LGR5: variants seen among roughly 807,000 people sequenced by gnomAD.
LGR5 encodes the protein leucine rich repeat containing G protein-coupled receptor 5, also known as leucine-rich repeat-containing G protein-coupled receptor 5.
LGR5 carries 54 observed loss-of-function variants against 76.7 expected under a neutral mutation model. That is an observed-to-expected ratio of 0.70 (90% confidence interval 0.57 to 0.88). The LOEUF (loss-of-function observed/expected upper bound fraction) is 0.88, where lower values mean the gene tolerates loss of function less well. Among genes scored for constraint, LGR5 ranks in the 40% least tolerant of loss-of-function variants. The pLI is 0.00. For missense variants in LGR5, 1,078 were observed against 1,073.3 expected (o/e 1.00, Z -0.06); for synonymous variants, 406 against 421.9 (o/e 0.96, Z 0.46).
At chr12:71,468,597 T>C (rs1279049558) in intron 1 of LGR5, among the ~76,000 whole-genome samples, 1 of 152,054 alleles carries the variant, frequency 6.6e-6, no homozygotes, top group African/African-American at 2.4e-5. Flanking sequence ...GATTTACTGA[T>C]GGTTGACAAA....
At chr12:71,491,332 C>G (rs1297824994) in intron 1 of LGR5, among the ~76,000 whole-genome samples, 1 of 152,132 alleles carries the variant, frequency 6.6e-6, no homozygotes, top group African/African-American at 2.4e-5. Context: ...ATAGTATCCC[C>G]AAAGTCCAAG....
At chr12:71,514,441 G>A (rs1024420544) in intron 2 of LGR5, among the ~76,000 whole-genome samples, 5 of 151,898 alleles carry the variant, frequency 3.3e-5, no homozygotes, top group Admixed American at 2.6e-4. Flanking sequence ...GGTGGCGGGC[G>A]CCTGTAGTCC....
intron 7 of LGR5, among the ~76,000 whole-genome samples, chr12:71,560,517 C>T (rs1446332195): frequency 2.6e-5 from 4 of 152,130 alleles, no homozygotes; most frequent in Admixed American, 2.6e-4. Flanking sequence ...TGCAGGCCAG[C>T]TCAATGGGTC....
chr12:71,568,421 A>G (rs1447802521), intron 11 of LGR5, among the ~76,000 whole-genome samples: 1 of 152,218 alleles, frequency 6.6e-6, no homozygotes. Context: ...CATGTCAAAC[A>G]GTTACAGCAG....
chr12:71,494,111 T>A (rs186489553), intron 1 of LGR5, among the ~76,000 whole-genome samples: 7,474 of 150,646 alleles, frequency 0.05, 328 homozygotes, highest in Middle Eastern at 0.11. Flanking sequence ...GCCCGGCTAA[T>A]TTTTTATACT....
At chr12:71,511,540 G>C (rs900912147) in intron 2 of LGR5, among the ~76,000 whole-genome samples, 84 of 152,208 alleles carry the variant, frequency 5.5e-4, no homozygotes, top group African/African-American at 2.0e-3. Context: ...GTAAAACCAC[G>C]CATCTCTGGG....
intron 4 of LGR5, among the ~76,000 whole-genome samples, chr12:71,552,396 C>G (rs760761202): frequency 2.0e-4 from 30 of 152,082 alleles, no homozygotes; most frequent in African/African-American, 7.0e-4. Flanking sequence ...GAAACCCTGT[C>G]TCTACTAAAA....
intron 1 of LGR5, among the ~76,000 whole-genome samples, chr12:71,466,973 A>G (rs1872892280): frequency 6.6e-6 from 1 of 151,704 alleles, no homozygotes; most frequent in Non-Finnish European, 1.5e-5. Flanking sequence ...TGCTTGGAGG[A>G]TGAGGAAGGC....
At position 71,561,871 on chromosome 12, in the gene LGR5, T is replaced by G. The variant is rs758231154; in HGVS notation, c.857+19T>G. On this transcript the variant is annotated intron_variant, in intron 8 of 17. Transcript: ENST00000266674. ...TTACAATGTAAGTGACCATAATGCT[T>G]TTCGGTTTCTCCATCCTGAAATATA... The G allele has an allele frequency of 6.9e-7, 1 of 1,455,768 alleles. No individual in the cohort carries two copies. The highest frequency in any genetic ancestry group is 1.2e-5 in the South Asian group (1 of 83,552). The allele number at this position is 1,455,768 out of a possible 1,614,324, so 90.2% of individuals were successfully genotyped here.
chr12:71,562,061 T>C (rs1242420910), intron 8 of LGR5, among the ~76,000 whole-genome samples: 2 of 152,230 alleles, frequency 1.3e-5, no homozygotes, highest in African/African-American at 4.8e-5. Context: ...ACATTATGAT[T>C]GGTATCTCCA....
intron 17 of LGR5, 90 bp downstream of exon 17, chr12:71,582,629 A>T (rs941899917): frequency 1.0e-6 from 1 of 954,076 alleles, no homozygotes; most frequent in Admixed American, 1.9e-5. Context: ...TTAAAAGCCG[A>T]ATCTGTGCCA....
intron 5 of LGR5, among the ~76,000 whole-genome samples, chr12:71,554,403 T>C (rs900257589): frequency 3.9e-5 from 6 of 152,186 alleles, no homozygotes; most frequent in South Asian, 2.1e-4. Flanking sequence ...ACCAATCTTA[T>C]GTTTTACAAT....
intron 1 of LGR5, among the ~76,000 whole-genome samples, chr12:71,443,143 T>C (rs1871840464): frequency 6.6e-6 from 1 of 152,236 alleles, no homozygotes; most frequent in Non-Finnish European, 1.5e-5. Context: ...AGATTGATGA[T>C]GGCAAGTTCC....
chr12:71,449,576 G>T lies in LGR5; in HGVS notation c.212+9284G>T, dbSNP rs188110469. The stretch of plus-strand genomic sequence containing the variant: ...CCACCTCCCAGCTGCTGGCCTTCCA[G>T]GAAAACATCTACTTCCCTAGAGTCT... On this transcript the variant is annotated intron_variant, in intron 1 of 17. Coordinates refer to ENST00000266674, the MANE Select transcript of LGR5 (RefSeq NM_003667.4). Among the ~76,000 whole-genome samples, 282 of 152,250 alleles carry T rather than the reference G, an allele frequency of 1.9e-3. 4 individuals are homozygous for T. Among genetic ancestry groups the T allele is most frequent in the African/African-American group, 5.9e-3 (247 of 41,538 alleles).
In LGR5 at chr12:71,512,918, T is replaced by C. The variant is rs148310340; in HGVS notation, c.284+8233T>C. On this transcript the variant is annotated intron_variant, in intron 2 of 17. Transcript: ENST00000266674. The stretch of plus-strand genomic sequence containing the variant: ...TGGAGAGTGGTTTACAAAGAGGTGA[T>C]GGTTGAAGGTGCTGGGTGGATGAGA... 4.7e-3 allele frequency among the ~76,000 whole-genome samples: 711 copies of C among 152,220 alleles called. 10 individuals are homozygous for C. The highest frequency in any genetic ancestry group is 0.016 in the African/African-American group (675 of 41,536).
intron 1 of LGR5, among the ~76,000 whole-genome samples, chr12:71,470,482 T>C (rs1340327986): frequency 6.6e-6 from 1 of 152,220 alleles, no homozygotes; most frequent in Non-Finnish European, 1.5e-5. Flanking sequence ...CTTCCCTAGG[T>C]AATTTGAGTC....
intron 4 of LGR5, among the ~76,000 whole-genome samples, chr12:71,539,205 G>A (rs1229310167): frequency 1.3e-5 from 2 of 152,138 alleles, no homozygotes; most frequent in Middle Eastern, 6.3e-3. Flanking sequence ...AATTAAAATT[G>A]TTAGTGTTCT....
chr12:71,511,604 T>G (rs1022204398), intron 2 of LGR5, among the ~76,000 whole-genome samples: 13 of 152,136 alleles, frequency 8.5e-5, no homozygotes, highest in African/African-American at 3.1e-4. Flanking sequence ...GTCAAGTGGC[T>G]TTATAAACCA....
chr12:71,519,645 C>CA (rs1389191198), intron 2 of LGR5, among the ~76,000 whole-genome samples: 1 of 123,774 alleles, frequency 8.1e-6, no homozygotes, highest in East Asian at 2.0e-4. Context: ...CCAAAAAAAA[C>CA]AAAAAACAAA....
Sources: gnomAD v4.1 joint callset for allele counts (sites outside exome capture counted in the v4.1 genomes callset) on GRCh38, gnomAD v4.1.1 for gene constraint, MANE v1.5 for transcripts, NCBI Gene and HGNC (gene_info 2026-07-23, HGNC 2026-07-21) for gene names.